The following GFRA1 variants were observed in gnomAD, a reference collection of about 807,000 sequenced individuals.
The protein encoded by GFRA1 is GDNF family receptor alpha-1.
Under a neutral mutation model 51.6 loss-of-function variants are expected in GFRA1, and 16 were observed. That is an observed-to-expected ratio of 0.31 (90% CI 0.21 to 0.47). The LOEUF is 0.47. Among genes scored for constraint, GFRA1 ranks in the 20% least tolerant of loss-of-function variants. The pLI is 1.00. For missense variants in GFRA1, 530 were observed against 594.3 expected (o/e 0.89, Z 1.13); for synonymous variants, 270 against 241.3 (o/e 1.12, Z -1.10).
At chr10:116,172,343 T>A (rs1961112911) in intron 5 of GFRA1, among the ~76,000 whole-genome samples, 1 of 152,140 alleles carries the variant, frequency 6.6e-6, no homozygotes, top group African/African-American at 2.4e-5. Context: ...GCCTATGATC[T>A]GTTCCCCATT....
At chr10:116,077,338 A>G (rs1392310490) in intron 9 of GFRA1, among the ~76,000 whole-genome samples, 1 of 152,234 alleles carries the variant, frequency 6.6e-6, no homozygotes, top group Non-Finnish European at 1.5e-5. Context: ...GCTGAGAAAA[A>G]TAGATCCCAT....
At chr10:116,213,211 A>G (rs1965330954) in intron 4 of GFRA1, among the ~76,000 whole-genome samples, 1 of 152,248 alleles carries the variant, frequency 6.6e-6, no homozygotes, top group Non-Finnish European at 1.5e-5. Context: ...ATCTACACGA[A>G]TGTTCATCAT....
Position 116,270,220 on chromosome 10 carries a change from C to T in GFRA1, c.334+602G>A, listed in dbSNP as rs552296232. Among the ~76,000 whole-genome samples the T allele has an allele frequency of 2.6e-5, 4 of 152,320 alleles. No homozygotes were observed. In the East Asian group the frequency reaches 7.7e-4, roughly 29 times the overall value. On this transcript the variant is annotated intron_variant, in intron 3 of 10. Coordinates refer to ENST00000355422, the MANE Select transcript of GFRA1 (RefSeq NM_005264.8). ...GGATGGTTGTGACCAGTGGATCTTT[C>T]TCTCCCTGAGCTACTTCTGTGATAA...
intron 9 of GFRA1, among the ~76,000 whole-genome samples, chr10:116,079,519 C>T (rs577285576): frequency 2.0e-5 from 3 of 152,136 alleles, no homozygotes; most frequent in East Asian, 1.9e-4. Flanking sequence ...AGGCACCCTT[C>T]GCTTCGGGCA....
chr10:116,075,639 C>T (rs1226760941), intron 9 of GFRA1, among the ~76,000 whole-genome samples: 1 of 152,012 alleles, frequency 6.6e-6, no homozygotes, highest in Non-Finnish European at 1.5e-5. Context: ...GTATGATAGT[C>T]TCCTTTTCTT....
intron 5 of GFRA1, among the ~76,000 whole-genome samples, chr10:116,159,060 T>A (rs531866068): frequency 2.8e-4 from 43 of 152,298 alleles, no homozygotes; most frequent in African/African-American, 3.1e-4. Flanking sequence ...ACATTTTTTT[T>A]AAAAAGTGCC....
intron 5 of GFRA1, among the ~76,000 whole-genome samples, chr10:116,180,419 C>A (rs779902553): frequency 6.6e-6 from 1 of 152,216 alleles, no homozygotes; most frequent in Non-Finnish European, 1.5e-5. Context: ...ATGATAAATA[C>A]TGTGCCTTGA....
At chr10:116,095,690 C>T (rs930489512) in intron 7 of GFRA1, among the ~76,000 whole-genome samples, 12 of 152,106 alleles carry the variant, frequency 7.9e-5, no homozygotes, top group Admixed American at 2.6e-4. Context: ...TTCCCAAAGC[C>T]GCCTGCTGAA....
chr10:116,100,352 C>A (rs74771909), intron 6 of GFRA1, among the ~76,000 whole-genome samples: 3 of 152,162 alleles, frequency 2.0e-5, no homozygotes, highest in African/African-American at 7.2e-5. Context: ...AGGCACGGAG[C>A]CTTTAAGCAA....
At chr10:116,273,303 G>GA (rs3832707), upstream of GFRA1, 119,341 of 150,302 alleles carry the variant, frequency 0.79, 49,236 homozygotes, top group Non-Finnish European at 0.92. Flanking sequence ...AGAAAAAAAA[G>GA]AAAAAAAAAT....
At chr10:116,239,966 C>G (rs547768212) in intron 4 of GFRA1, among the ~76,000 whole-genome samples, 1 of 152,120 alleles carries the variant, frequency 6.6e-6, no homozygotes, top group East Asian at 1.9e-4. Context: ...AAGGTTACAA[C>G]GTGTCCCTCA....
chr10:116,141,030 G>T (rs773391535), intron 5 of GFRA1, among the ~76,000 whole-genome samples: 2 of 152,208 alleles, frequency 1.3e-5, no homozygotes, highest in Non-Finnish European at 2.9e-5. Flanking sequence ...CTAATAGTAT[G>T]ATGGTAATAA....
At chr10:116,224,649 G>A (rs1966154866) in intron 4 of GFRA1, among the ~76,000 whole-genome samples, 1 of 152,202 alleles carries the variant, frequency 6.6e-6, no homozygotes, top group African/African-American at 2.4e-5. Flanking sequence ...GGTAAATCAA[G>A]AGACAGAAAA....
At chr10:116,066,367 T>TA (rs1955115056) in intron 9 of GFRA1, among the ~76,000 whole-genome samples, 1 of 152,126 alleles carries the variant, frequency 6.6e-6, no homozygotes, top group Admixed American at 6.5e-5. Flanking sequence ...CACAGAGCAG[T>TA]ACAGATACTC....
intron 5 of GFRA1, among the ~76,000 whole-genome samples, chr10:116,193,933 G>A (rs1237227999): frequency 2.6e-5 from 4 of 151,894 alleles, no homozygotes; most frequent in Admixed American, 6.6e-5. Flanking sequence ...CAGCTACTCC[G>A]GAGACTGAGG....
intron 5 of GFRA1, among the ~76,000 whole-genome samples, chr10:116,206,126 T>C (rs79564287): frequency 0.062 from 9,426 of 152,188 alleles, 957 homozygotes; most frequent in African/African-American, 0.21. Flanking sequence ...ACCATAAAAG[T>C]GTTCACGCAT....
chr10:116,217,084 T>C (rs1965615694), intron 4 of GFRA1, among the ~76,000 whole-genome samples: 1 of 152,160 alleles, frequency 6.6e-6, no homozygotes, highest in South Asian at 2.1e-4. Flanking sequence ...ACTTGTTGAG[T>C]ACCCACGGCA....
At chr10:116,146,080 TTA>T (rs1958787906) in intron 5 of GFRA1, among the ~76,000 whole-genome samples, 1 of 152,010 alleles carries the variant, frequency 6.6e-6, no homozygotes, top group African/African-American at 2.4e-5. Context: ...ATTCACATAT[TTA>T]TATATTTATA....
intron 4 of GFRA1, among the ~76,000 whole-genome samples, chr10:116,251,288 C>A (rs1739383744): frequency 6.6e-6 from 1 of 152,222 alleles, no homozygotes; most frequent in African/African-American, 2.4e-5. Flanking sequence ...AGGAAGAAGT[C>A]ATCCAAAGAA....
Sources: gnomAD v4.1 joint callset for allele counts (sites outside exome capture counted in the v4.1 genomes callset) on GRCh38, gnomAD v4.1.1 for gene constraint, MANE v1.5 for transcripts, NCBI Gene and HGNC (gene_info 2026-07-23, HGNC 2026-07-21) for gene names.